The following ZNF385D variants were observed in gnomAD, a reference collection of about 807,000 sequenced individuals.
The protein encoded by ZNF385D is zinc finger protein 385D.
ZNF385D carries 15 observed loss-of-function variants against 35.8 expected under a neutral mutation model. The observed-to-expected ratio is 0.42, with a 90% CI of 0.28 to 0.64. ZNF385D has a LOEUF of 0.64. ZNF385D is among the 30% of genes least tolerant of loss of function. The probability of loss-of-function intolerance (pLI) is 0.23; values close to 1 mark genes in which losing one functional copy is unlikely to be tolerated. For missense variants in ZNF385D, 474 were observed against 494.6 expected (o/e 0.96, Z 0.39); for synonymous variants, 212 against 186.8 (o/e 1.13, Z -1.10).
At chr3:21,851,836 A>C (rs2125811331) in intron 3 of ZNF385D, among the ~76,000 whole-genome samples, 1 of 152,032 alleles carries the variant, frequency 6.6e-6, no homozygotes, top group Admixed American at 6.6e-5. Flanking sequence ...CCAGATATAG[A>C]CAACATTCTA....
At chr3:21,509,422 A>G (rs2125462076) in intron 4 of ZNF385D, among the ~76,000 whole-genome samples, 1 of 152,282 alleles carries the variant, frequency 6.6e-6, no homozygotes, top group East Asian at 1.9e-4. Flanking sequence ...ATTACCACTC[A>G]TTCTCTTTCA....
intron 3 of ZNF385D, among the ~76,000 whole-genome samples, chr3:22,060,412 T>C (rs994754041): frequency 3.3e-5 from 5 of 152,218 alleles, no homozygotes; most frequent in Non-Finnish European, 5.9e-5. Context: ...TCCACACATA[T>C]TCTATTTTCC....
chr3:22,103,797 T>C (rs1443398903), intron 3 of ZNF385D, among the ~76,000 whole-genome samples: 2 of 152,006 alleles, frequency 1.3e-5, no homozygotes, highest in East Asian at 3.9e-4. Flanking sequence ...AGTATCAGAA[T>C]GGCAAACTAT....
chr3:22,064,205 G>A (rs1699822917), intron 3 of ZNF385D, among the ~76,000 whole-genome samples: 1 of 152,206 alleles, frequency 6.6e-6, no homozygotes. Flanking sequence ...GAGAAGCCAT[G>A]ACAGTTTGCT....
At chr3:21,751,393 G>A (rs2070077885), upstream of ZNF385D, 1 of 1,009,044 alleles carries the variant, frequency 9.9e-7, no homozygotes, top group African/African-American at 1.7e-5. Context: ...CGAGAAGAGT[G>A]TCGGGATCCA....
chr3:21,454,352 T>C (rs1002950093), intron 4 of ZNF385D, among the ~76,000 whole-genome samples: 1 of 152,172 alleles, frequency 6.6e-6, no homozygotes, highest in Admixed American at 6.6e-5. Context: ...TTATATTATG[T>C]GCATTTTATA....
chr3:21,510,754 A>G, intron 4 of ZNF385D, 107 bp downstream of exon 4: 1 of 1,403,622 alleles, frequency 7.1e-7, no homozygotes, highest in South Asian at 1.3e-5. Flanking sequence ...TGGCTCAAGC[A>G]TGAATCAATA....
At chr3:21,498,590 A>AG (rs34907263) in intron 4 of ZNF385D, among the ~76,000 whole-genome samples, 109,004 of 152,014 alleles carry the variant, frequency 0.72, 39,374 homozygotes, top group East Asian at 0.84. Flanking sequence ...ATGGCCAAAA[A>AG]CATAGGAAAA....
At chr3:21,978,302 A>C (rs2291818) in intron 3 of ZNF385D, 4 of 152,088 alleles carry the variant, frequency 2.6e-5, no homozygotes, top group Admixed American at 6.5e-5. Flanking sequence ...GTAAGTACTA[A>C]ATCAATGTTT....
chr3:22,340,779 G>A (rs13324104), intron 2 of ZNF385D, among the ~76,000 whole-genome samples: 30,184 of 152,202 alleles, frequency 0.2, 3,451 homozygotes, highest in Non-Finnish European at 0.26. Context: ...GTAATTAACT[G>A]CACCCACATA....
At chr3:22,262,814 C>A (rs550539093) in intron 2 of ZNF385D, among the ~76,000 whole-genome samples, 1 of 151,888 alleles carries the variant, frequency 6.6e-6, no homozygotes, top group Non-Finnish European at 1.5e-5. Context: ...AACATCCTCA[C>A]GATTTGCCAT....
At chr3:22,030,196 T>A (rs1824979) in intron 3 of ZNF385D, among the ~76,000 whole-genome samples, 18,297 of 141,430 alleles carry the variant, frequency 0.13, 1,546 homozygotes, top group South Asian at 0.29. Context: ...GCTCCTCAGC[T>A]TGAAGACAGC....
intron 2 of ZNF385D, among the ~76,000 whole-genome samples, chr3:22,173,571 A>G (rs887490424): frequency 6.6e-6 from 1 of 152,188 alleles, no homozygotes; most frequent in Non-Finnish European, 1.5e-5. Context: ...GTGCTCTGGG[A>G]AAGAACTGAG....
At chr3:22,103,062 T>C (rs534324127) in intron 3 of ZNF385D, among the ~76,000 whole-genome samples, 18 of 151,736 alleles carry the variant, frequency 1.2e-4, no homozygotes, top group African/African-American at 4.3e-4. Context: ...TCAAGACTGA[T>C]TTTCCTATTA....
intron 3 of ZNF385D, among the ~76,000 whole-genome samples, chr3:21,776,946 C>T (rs9869230): frequency 0.019 from 2,949 of 152,008 alleles, 109 homozygotes; most frequent in African/African-American, 0.066. Context: ...AGCTGCTGAA[C>T]GGTGCTAAAG....
chr3:21,882,982 C>G (rs9871392), intron 3 of ZNF385D, among the ~76,000 whole-genome samples: 2,613 of 152,006 alleles, frequency 0.017, 77 homozygotes, highest in African/African-American at 0.058. Context: ...AATTTGACTC[C>G]TCACTATTGA....
At chr3:21,960,022 CAAA>C (rs34894053) in intron 3 of ZNF385D, among the ~76,000 whole-genome samples, 74 of 114,582 alleles carry the variant, frequency 6.5e-4, no homozygotes, top group Admixed American at 9.0e-4. Context: ...GCACAGCCTC[CAAA>C]AAAAAAAAAA....
chr3:21,716,767 G>C (rs971732384), intron 1 of ZNF385D, among the ~76,000 whole-genome samples: 1 of 151,982 alleles, frequency 6.6e-6, no homozygotes, highest in South Asian at 2.1e-4. Context: ...GTTCTATCAG[G>C]TTAGAATTTT....
chr3:21,565,976 G>GAATC (rs1246286955), intron 2 of ZNF385D, among the ~76,000 whole-genome samples: 1 of 152,146 alleles, frequency 6.6e-6, no homozygotes, highest in African/African-American at 2.4e-5. Flanking sequence ...CAGGTCACTG[G>GAATC]AATCAGTTAA....
Sources: allele counts gnomAD v4.1 joint callset (sites outside exome capture counted in the v4.1 genomes callset), GRCh38; gene constraint gnomAD v4.1.1; transcripts MANE v1.5; gene names NCBI Gene and HGNC (gene_info 2026-07-23, HGNC 2026-07-21).